The following SUSD4 variants were observed in gnomAD, a reference collection of about 807,000 sequenced individuals.
The protein encoded by SUSD4 is sushi domain containing 4.
SUSD4 carries 41 observed loss-of-function variants against 50.5 expected under a neutral mutation model. The observed-to-expected ratio is 0.81, with a 90% confidence interval of 0.63 to 1.05. SUSD4 has a LOEUF of 1.05. SUSD4 is among the 50% of genes least tolerant of loss of function. The pLI is 0.00. For synonymous variants in SUSD4, 257 were observed against 257.3 expected, an observed-to-expected ratio of 1.00 and a Z score of 0.01; for missense variants, 580 against 634.7, an observed-to-expected ratio of 0.91 and a Z score of 0.93.
chr1:223,279,081 T>A (rs1333079701), intron 3 of SUSD4, among the ~76,000 whole-genome samples: 1 of 152,058 alleles, frequency 6.6e-6, no homozygotes, highest in African/African-American at 2.4e-5. Flanking sequence ...TACGTCACCA[T>A]CATCAAAGAC....
At chr1:223,244,331 G>T (rs1197803226) in intron 5 of SUSD4, among the ~76,000 whole-genome samples, 1 of 152,194 alleles carries the variant, frequency 6.6e-6, no homozygotes, top group African/African-American at 2.4e-5. Flanking sequence ...GGGCCAGAGA[G>T]AACAGCTGCC....
chr1:223,287,107 G>A (rs933805773), intron 3 of SUSD4, among the ~76,000 whole-genome samples: 2 of 152,172 alleles, frequency 1.3e-5, no homozygotes, highest in Admixed American at 6.5e-5. Context: ...GGCAAGTCTT[G>A]TTCTGTAGCT....
chr1:223,350,094 A>G (rs372531763), intron 2 of SUSD4, among the ~76,000 whole-genome samples: 1 of 152,190 alleles, frequency 6.6e-6, no homozygotes, highest in African/African-American at 2.4e-5. Flanking sequence ...AGCCTTCACC[A>G]GAACCCAGCC....
intron 2 of SUSD4, among the ~76,000 whole-genome samples, chr1:223,323,587 A>G (rs1234389220): frequency 6.6e-6 from 1 of 152,158 alleles, no homozygotes; most frequent in East Asian, 1.9e-4. Flanking sequence ...GCTAAATGGC[A>G]GGGTAGACCA....
At position 223,292,433 on chromosome 1, in the gene SUSD4, C is replaced by T. The variant is rs1417407442; in HGVS notation, c.361+6G>A. On this transcript the variant is annotated splice_donor_region_variant and intron_variant, in intron 3 of 8. Transcript: ENST00000366878. ...AGTGGCTTCCGTGGAGAAGTAAGCACTTTACCTTCTTGCACACAGATGGAA... is the reference window on the plus strand; with the variant it reads ...AGTGGCTTCCGTGGAGAAGTAAGCATTTTACCTTCTTGCACACAGATGGAA... 3 of 1,614,142 alleles carry T rather than the reference C, an allele frequency of 1.9e-6. No individual in the cohort carries two copies. The highest frequency in any genetic ancestry group is 2.5e-6 in the Non-Finnish European group (3 of 1,179,984).
At chr1:223,297,803 C>T (rs1001383972) in intron 2 of SUSD4, among the ~76,000 whole-genome samples, 1 of 152,176 alleles carries the variant, frequency 6.6e-6, no homozygotes, top group Non-Finnish European at 1.5e-5. Flanking sequence ...TTCACCTCCT[C>T]AGCATCTGGC....
Position 223,227,729 on chromosome 1 carries a change from C to G in SUSD4, c.926G>C (p.Trp309Ser). The G allele has an allele frequency of 6.2e-7, 1 of 1,611,736 alleles. No homozygotes were observed. Among genetic ancestry groups the G allele is most frequent in the East Asian group, 2.2e-5 (1 of 44,784 alleles). Residue 309 changes from tryptophan (W) to serine (S), a missense_variant, in exon 7 of 9, where the codon TGG (tryptophan) becomes TCG (serine). Physicochemically the swap from Trp to Ser is radical, Grantham distance 177 (BLOSUM62 -3). Coordinates refer to ENST00000366878, the MANE Select transcript of SUSD4 (RefSeq NM_017982.4). The surrounding 1 kb of genome is among the most constrained non-coding windows in gnomAD (Gnocchi z 4.5). Reference protein sequence around the residue: ...QVYCIKSEQTWPSTHETLLTT... With the variant: ...QVYCIKSEQTSPSTHETLLTT... Reference sequence around the variant, plus strand: ...CAGGAGGGTCTCATGGGTGCTGGGCCACGTTTGCTCTGCATGAGGGAGAAC... The same window carrying G: ...CAGGAGGGTCTCATGGGTGCTGGGCGACGTTTGCTCTGCATGAGGGAGAAC...
intron 2 of SUSD4, among the ~76,000 whole-genome samples, chr1:223,334,878 C>A (rs917257703): frequency 6.6e-6 from 1 of 152,072 alleles, no homozygotes; most frequent in East Asian, 1.9e-4. Context: ...AAAGTCCTAC[C>A]CTTTCCCCCT....
Position 223,345,292 on chromosome 1 carries a change from T to C in SUSD4, c.148+17986A>G, listed in dbSNP as rs187937830. On this transcript the variant is annotated intron_variant, in intron 2 of 8. Coordinates refer to ENST00000366878, the MANE Select transcript of SUSD4 (RefSeq NM_017982.4). ...TCTGAAACCCTCACATCCCTGGCTTTGGTAATGCTGTATCTTGGCTCCCCA... is the reference window on the plus strand; with the variant it reads ...TCTGAAACCCTCACATCCCTGGCTTCGGTAATGCTGTATCTTGGCTCCCCA... Among the ~76,000 whole-genome samples the C allele has an allele frequency of 9.1e-4, 138 of 152,290 alleles. 1 individual carries two copies. The highest frequency in any genetic ancestry group is 2.8e-3 in the African/African-American group (117 of 41,568).
At chr1:223,256,463 T>C (rs1049020324) in intron 5 of SUSD4, among the ~76,000 whole-genome samples, 2 of 152,218 alleles carry the variant, frequency 1.3e-5, no homozygotes, top group African/African-American at 2.4e-5. Context: ...GTTACCAAGA[T>C]GACCCTCACC....
chr1:223,264,715 T>C lies in SUSD4; in HGVS notation c.639A>G (p.Gly213=). 1 of 1,614,082 alleles carries C rather than the reference T, an allele frequency of 6.2e-7. No homozygotes were observed. Among genetic ancestry groups the C allele is most frequent in the South Asian group, 1.1e-5 (1 of 91,070 alleles). ...GTVISYRCFP[G]FKLDGSAYLE... Reference sequence around the variant, plus strand: ...GATACGCAGACCCATCAAGTTTAAATCCGGGAAAGCAGCGATAGGAGATCA... The same window carrying C: ...GATACGCAGACCCATCAAGTTTAAACCCGGGAAAGCAGCGATAGGAGATCA... Residue 213 remains glycine, a synonymous_variant, in exon 5 of 9, where the codon GGA becomes GGG. Coordinates refer to ENST00000366878, the MANE Select transcript of SUSD4 (RefSeq NM_017982.4).
chr1:223,274,450 TGAA>T (rs1284863067), intron 3 of SUSD4, among the ~76,000 whole-genome samples: 1 of 152,200 alleles, frequency 6.6e-6, no homozygotes, highest in African/African-American at 2.4e-5. Flanking sequence ...CTTTGAAACC[TGAA>T]GAAGAACTAG....
chr1:223,270,303 C>T (rs1326457308), intron 3 of SUSD4, among the ~76,000 whole-genome samples: 1 of 152,110 alleles, frequency 6.6e-6, no homozygotes, highest in African/African-American at 2.4e-5. Context: ...CTGACCCTCC[C>T]ACCATGCTTC....
At chr1:223,263,919 A>G (rs1662298034) in intron 5 of SUSD4, 3 of 985,256 alleles carry the variant, frequency 3.0e-6, no homozygotes, top group Admixed American at 6.1e-5. Context: ...CCTACCCACT[A>G]TACTCAGATG....
intron 3 of SUSD4, among the ~76,000 whole-genome samples, chr1:223,288,823 T>G (rs2103137449): frequency 6.6e-6 from 1 of 152,350 alleles, no homozygotes; most frequent in South Asian, 2.1e-4. Context: ...GTGCTAATTC[T>G]TTATGATGTA....
chr1:223,357,944 A>T (rs930996335), intron 2 of SUSD4, among the ~76,000 whole-genome samples: 5 of 152,148 alleles, frequency 3.3e-5, no homozygotes, highest in African/African-American at 4.8e-5. Flanking sequence ...CCAATGATCT[A>T]TTTAGACATA....
At chr1:223,258,051 G>A (rs1661825043) in intron 5 of SUSD4, among the ~76,000 whole-genome samples, 1 of 152,062 alleles carries the variant, frequency 6.6e-6, no homozygotes, top group South Asian at 2.1e-4. Flanking sequence ...GATCAGGGTA[G>A]ACTCTGTCAT....
chr1:223,225,011 A>AGTAGCT (rs1659419408), intron 7 of SUSD4, among the ~76,000 whole-genome samples: 2 of 151,624 alleles, frequency 1.3e-5, no homozygotes, highest in East Asian at 3.9e-4. Context: ...CTGGGATTAC[A>AGTAGCT]GGCATGCACC....
intron 3 of SUSD4, among the ~76,000 whole-genome samples, chr1:223,276,120 T>C (rs946003304): frequency 3.3e-5 from 5 of 152,220 alleles, no homozygotes; most frequent in African/African-American, 1.2e-4. Flanking sequence ...GGTCTGCATT[T>C]TTCATAAGTA....
Sources: gnomAD v4.1 joint callset for allele counts (sites outside exome capture counted in the v4.1 genomes callset) on GRCh38, gnomAD v4.1.1 for gene constraint, Gnocchi (gnomAD v3.1) non-coding constraint, MANE v1.5 for transcripts, NCBI Gene and HGNC (gene_info 2026-07-23, HGNC 2026-07-21) for gene names.